Variants in PKP4 observed in about 807,000 individuals in gnomAD.
PKP4 encodes the protein plakophilin-4.
PKP4 carries 90 observed loss-of-function variants against 145.1 expected under a neutral mutation model. The observed-to-expected ratio is 0.62, with a 90% CI of 0.52 to 0.74. The LOEUF (loss-of-function observed/expected upper bound fraction) is 0.74. PKP4 is among the 30% of genes least tolerant of loss of function. The pLI is 0.00. For missense variants in PKP4, 1,340 were observed against 1,482.7 expected, an observed-to-expected ratio of 0.90 and a Z score of 1.58; for synonymous variants, 563 against 577.2, an observed-to-expected ratio of 0.98 and a Z score of 0.35.
intron 3 of PKP4, among the ~76,000 whole-genome samples, chr2:158,578,947 C>A (rs1259760608): frequency 1.3e-5 from 2 of 152,016 alleles, no homozygotes; most frequent in African/African-American, 2.4e-5. Context: ...TCAAAGTAAG[C>A]ACTAGAGGTG....
intron 4 of PKP4, among the ~76,000 whole-genome samples, chr2:158,610,203 A>G (rs538760000): frequency 6.6e-6 from 1 of 152,108 alleles, no homozygotes; most frequent in Non-Finnish European, 1.5e-5. Flanking sequence ...CATGTCTTAT[A>G]ACCTTGTGTA....
intron 3 of PKP4, among the ~76,000 whole-genome samples, chr2:158,601,487 G>A (rs1339830934): frequency 2.0e-5 from 3 of 152,172 alleles, no homozygotes; most frequent in Non-Finnish European, 4.4e-5. Context: ...TCAGTGTGCA[G>A]AACCACTTTT....
intron 2 of PKP4, among the ~76,000 whole-genome samples, chr2:158,542,683 G>A (rs1307509971): frequency 6.6e-6 from 1 of 152,132 alleles, no homozygotes; most frequent in Non-Finnish European, 1.5e-5. Flanking sequence ...ATCTCTGACA[G>A]GTCTGCCATT....
chr2:158,480,248 T>C (rs560445428), intron 1 of PKP4, among the ~76,000 whole-genome samples: 1 of 152,306 alleles, frequency 6.6e-6, no homozygotes, highest in Admixed American at 6.5e-5. Context: ...TTTTATTTTA[T>C]TTTATTGAGA....
chr2:158,584,278 C>T (rs2048605919), intron 3 of PKP4, among the ~76,000 whole-genome samples: 1 of 152,210 alleles, frequency 6.6e-6, no homozygotes, highest in East Asian at 1.9e-4. Context: ...CAAGCACGTA[C>T]ACCAAATTTA....
intron 1 of PKP4, among the ~76,000 whole-genome samples, chr2:158,530,128 C>T (rs1479032639): frequency 6.6e-6 from 1 of 152,176 alleles, no homozygotes; most frequent in Non-Finnish European, 1.5e-5. Context: ...CACTGCATTT[C>T]CATGGTTACG....
intron 20 of PKP4, 123 bp from the exon 21 acceptor site, chr2:158,678,458 T>C (rs983053318): frequency 9.7e-6 from 7 of 721,992 alleles, no homozygotes; most frequent in East Asian, 5.3e-5. Flanking sequence ...CCAGCCCGCA[T>C]TGGCACTGGG....
At chr2:158,503,344 T>A (rs544719272) in intron 1 of PKP4, among the ~76,000 whole-genome samples, 1 of 152,372 alleles carries the variant, frequency 6.6e-6, no homozygotes, top group African/African-American at 2.4e-5. Context: ...CTTTTGCCTC[T>A]AATTTCCTCC....
At chr2:158,481,894 A>G (rs906282920) in intron 1 of PKP4, among the ~76,000 whole-genome samples, 7 of 152,242 alleles carry the variant, frequency 4.6e-5, no homozygotes, top group African/African-American at 1.4e-4. Flanking sequence ...GTATTCACCT[A>G]CTTGTATTAT....
chr2:158,517,514 T>G (rs2042027314), intron 1 of PKP4, among the ~76,000 whole-genome samples: 1 of 152,216 alleles, frequency 6.6e-6, no homozygotes, highest in Non-Finnish European at 1.5e-5. Context: ...GGATGGGAGT[T>G]CAGGGTCTTA....
intron 2 of PKP4, among the ~76,000 whole-genome samples, chr2:158,553,064 G>T (rs939547923): frequency 8.5e-5 from 13 of 152,160 alleles, no homozygotes; most frequent in African/African-American, 3.1e-4. Flanking sequence ...GTAAATGATG[G>T]ACTTGGATAT....
chr2:158,636,031 A>G (rs969453545), intron 9 of PKP4, among the ~76,000 whole-genome samples: 6 of 152,156 alleles, frequency 3.9e-5, no homozygotes, highest in African/African-American at 7.2e-5. Flanking sequence ...TCTTTACTGT[A>G]TAAAAGGAAA....
chr2:158,645,231 G>A (rs1157069534), intron 11 of PKP4, among the ~76,000 whole-genome samples: 1 of 152,148 alleles, frequency 6.6e-6, no homozygotes, highest in Non-Finnish European at 1.5e-5. Flanking sequence ...TTTCTAAAAT[G>A]CTTTTGAGGC....
chr2:158,663,054 A>G lies in PKP4; in HGVS notation c.2369A>G (p.Lys790Arg). The G allele has an allele frequency of 6.2e-7, 1 of 1,611,938 alleles. No homozygotes were observed. The highest frequency in any genetic ancestry group is 1.1e-5 in the South Asian group (1 of 90,814). Residue 790 changes from lysine to arginine, a missense_variant, in exon 14 of 22, where the codon AAG becomes AGG. By Grantham distance (26) the Lys-to-Arg change is conservative (BLOSUM62 2). Coordinates refer to ENST00000389759, the MANE Select transcript of PKP4 (RefSeq NM_003628.6). ...DSEPSCWGKK[K>R]KKKKRTPQED... ...GAGCCAAGTTGCTGGGGGAAGAAGA[A>G]GAAAAAGAAAAAGAGGACTCCGCAA...
intron 3 of PKP4, among the ~76,000 whole-genome samples, chr2:158,593,733 T>C (rs552045588): frequency 6.6e-6 from 1 of 152,292 alleles, no homozygotes; most frequent in African/African-American, 2.4e-5. Context: ...ATCTTAACTT[T>C]CCCTGGAATG....
intron 1 of PKP4, among the ~76,000 whole-genome samples, chr2:158,514,725 G>C (rs2041800107): frequency 6.6e-6 from 1 of 152,160 alleles, no homozygotes; most frequent in Non-Finnish European, 1.5e-5. Context: ...TGGATCACCT[G>C]AGGTCAGGAG....
intron 4 of PKP4, among the ~76,000 whole-genome samples, chr2:158,610,781 T>C (rs936509052): frequency 3.9e-5 from 6 of 152,098 alleles, no homozygotes; most frequent in Admixed American, 6.6e-5. Flanking sequence ...CTGTGTAAAA[T>C]GCAGGGGAGG....
chr2:158,483,367 GT>G (rs200262798), intron 1 of PKP4, among the ~76,000 whole-genome samples: 72 of 35,808 alleles, frequency 2.0e-3, no homozygotes, highest in African/African-American at 4.4e-3. Flanking sequence ...ATTGCTATGT[GT>G]TTTTTTTTTT....
intron 2 of PKP4, among the ~76,000 whole-genome samples, chr2:158,534,192 A>G (rs1342094791): frequency 1.3e-5 from 2 of 152,170 alleles, no homozygotes; most frequent in African/African-American, 4.8e-5. Flanking sequence ...GAAAGTCAGT[A>G]TCAGTAACTC....
Sources: allele counts gnomAD v4.1 joint callset (sites outside exome capture counted in the v4.1 genomes callset), GRCh38; gene constraint gnomAD v4.1.1; transcripts MANE v1.5; gene names NCBI Gene and HGNC (gene_info 2026-07-23, HGNC 2026-07-21).